ARAP2: variants seen among roughly 807,000 people sequenced by gnomAD.
ARAP2 encodes the protein ArfGAP with RhoGAP domain, ankyrin repeat and PH domain 2, also known as arf-GAP with Rho-GAP domain, ANK repeat and PH domain-containing protein 2.
A neutral mutation model predicts 194.5 loss-of-function variants in ARAP2; 148 were observed. The ratio of observed to expected loss-of-function variants is 0.76; its 90% CI spans 0.67 to 0.87. The LOEUF (loss-of-function observed/expected upper bound fraction) is 0.87. ARAP2 is among the 40% of genes least tolerant of loss of function. The pLI, the probability that ARAP2 is intolerant of heterozygous loss-of-function variation, is 0.00. For synonymous variants in ARAP2, 695 were observed against 683.5 expected, an observed-to-expected ratio of 1.02 and a Z score of -0.26; for missense variants, 2,128 against 1,989.7, an observed-to-expected ratio of 1.07 and a Z score of -1.32.
chr4:36,011,867 G>T (rs188948886), intron 9 of ARAP2, among the ~76,000 whole-genome samples: 1 of 152,230 alleles, frequency 6.6e-6, no homozygotes, highest in African/African-American at 2.4e-5. Context: ...AAAAGATATG[G>T]ATATCAGCTT....
chr4:36,195,241 A>G (rs1035034216), intron 6 of ARAP2, among the ~76,000 whole-genome samples: 2 of 152,168 alleles, frequency 1.3e-5, no homozygotes, highest in African/African-American at 2.4e-5. Flanking sequence ...TTCATCTTTC[A>G]GCTTCTAGAA....
intron 27 of ARAP2, among the ~76,000 whole-genome samples, chr4:36,092,678 G>A (rs780977163): frequency 1.4e-4 from 22 of 152,182 alleles, no homozygotes; most frequent in South Asian, 1.0e-3. Context: ...ATGTATTTTG[G>A]ATATTGGATA....
At chr4:36,051,510 T>C (rs1466288205) in intron 3 of ARAP2, among the ~76,000 whole-genome samples, 4 of 151,732 alleles carry the variant, frequency 2.6e-5, no homozygotes, top group African/African-American at 9.7e-5. Context: ...ATAACAATAA[T>C]AATAATAAAT....
intron 22 of ARAP2, among the ~76,000 whole-genome samples, chr4:36,123,082 GGA>G (rs1723045337): frequency 6.6e-6 from 1 of 151,810 alleles, no homozygotes; most frequent in African/African-American, 2.4e-5. Flanking sequence ...AAAAGGAACT[GGA>G]GTTTAATAGA....
At chr4:36,151,686 G>A (rs1731010434) in intron 15 of ARAP2, among the ~76,000 whole-genome samples, 1 of 152,230 alleles carries the variant, frequency 6.6e-6, no homozygotes, top group African/African-American at 2.4e-5. Flanking sequence ...TTCTTTTTAA[G>A]AAATGCATAC....
rs1223473431 is a variant in ARAP2, at chr4:36,187,508, T to G, written c.1621A>C (p.Asn541His). The change falls in exon 8 of 33, where the codon AAC becomes CAC. Residue 541 changes from asparagine to histidine, a missense_variant. Physicochemically the swap from Asn to His is moderately conservative, Grantham distance 68. Transcript: ENST00000303965. Reference protein sequence around the residue: ...AISTVRVQGDNKFEVVTTQRT... With the variant: ...AISTVRVQGDHKFEVVTTQRT... ...TGTGTTGTAACAACTTCAAATTTGT[T>G]GTCTCCTTGAACTCGTACTGTTGAT... The G allele has an allele frequency of 1.3e-6, 2 of 1,551,118 alleles. No homozygotes were observed. The highest frequency in any genetic ancestry group is 1.7e-6 in the Non-Finnish European group (2 of 1,143,992).
downstream of ARAP2, among the ~76,000 whole-genome samples, chr4:36,063,462 G>GAA (rs11286192): frequency 7.6e-6 from 1 of 132,234 alleles, no homozygotes. Flanking sequence ...TTTAAAAAAA[G>GAA]AAAAAAAAAA....
chr4:36,171,078 G>A (rs1560585571), intron 9 of ARAP2, among the ~76,000 whole-genome samples: 1 of 152,036 alleles, frequency 6.6e-6, no homozygotes, highest in Non-Finnish European at 1.5e-5. Flanking sequence ...TTATTATTCA[G>A]GTATTCCTCT....
intron 15 of ARAP2, among the ~76,000 whole-genome samples, chr4:36,152,535 TAGG>T (rs1731240860): frequency 6.6e-6 from 1 of 152,044 alleles, no homozygotes; most frequent in South Asian, 2.1e-4. Context: ...TGGCATAGAT[TAGG>T]AGATCCACCC....
intron 3 of ARAP2, among the ~76,000 whole-genome samples, chr4:36,050,373 TGCA>T (rs1722466327): frequency 1.3e-5 from 2 of 152,306 alleles, no homozygotes; most frequent in Admixed American, 1.3e-4. Flanking sequence ...AAGTAACTCT[TGCA>T]GCAGTTTTTT....
chr4:36,085,411 AT>A (rs996385806), intron 28 of ARAP2, among the ~76,000 whole-genome samples: 4 of 152,096 alleles, frequency 2.6e-5, no homozygotes, highest in South Asian at 2.1e-4. Context: ...TTAGACAGAA[AT>A]TTTTTTGTTG....
rs753064092 is a variant in ARAP2, at chr4:36,187,584, G to GA, written c.1558-14dup. The GA allele has an allele frequency of 1.2e-5, 18 of 1,520,242 alleles. No individual in the cohort carries two copies. Among genetic ancestry groups the GA allele is most frequent in the Non-Finnish European group, 1.4e-5 (16 of 1,142,026 alleles). 94.2% of individuals were successfully genotyped at this position (1,520,242 alleles called of 1,614,324 possible). ...TCGAATACATCTCCTGTATTGGTTA[G>GA]AAAAAAAGAGAAGACATATGAAAAC... On this transcript the variant is annotated splice_polypyrimidine_tract_variant and intron_variant, in intron 7 of 32. Transcript: ENST00000303965.
chr4:36,175,251 G>A (rs969689942), intron 9 of ARAP2, among the ~76,000 whole-genome samples: 7 of 152,066 alleles, frequency 4.6e-5, no homozygotes, highest in African/African-American at 7.2e-5. Context: ...TAAAATTTTC[G>A]AAGTTGCATC....
At chr4:36,237,332 G>A (rs1382305977) in intron 1 of ARAP2, among the ~76,000 whole-genome samples, 3 of 152,166 alleles carry the variant, frequency 2.0e-5, no homozygotes, top group African/African-American at 7.2e-5. Flanking sequence ...AATTAGCTGA[G>A]GGTACAGGTC....
intron 2 of ARAP2, among the ~76,000 whole-genome samples, chr4:36,055,129 G>T (rs1336086516): frequency 6.6e-6 from 1 of 152,106 alleles, no homozygotes; most frequent in African/African-American, 2.4e-5. Context: ...TTGGATCTAT[G>T]AGTGCATTTA....
At chr4:36,046,106 T>C (rs2109239029) in intron 4 of ARAP2, 1 of 152,236 alleles carries the variant, frequency 6.6e-6, no homozygotes, top group South Asian at 2.1e-4. Context: ...ATTAACCAGG[T>C]CATTGTAAAC....
Position 36,151,059 on chromosome 4 carries a change from C to A in ARAP2, c.2753-15G>T. On this transcript the variant is annotated splice_polypyrimidine_tract_variant and intron_variant, in intron 15 of 32. Coordinates refer to ENST00000303965, the MANE Select transcript of ARAP2 (RefSeq NM_015230.4). ...TTTATTTGTCTCTAAGAATTTGAAA[C>A]AAAACAAATAACAAATTGAGCTAAT... 1.3e-6 allele frequency: 2 copies of A among 1,574,964 alleles called. No individual in the cohort carries two copies. The highest frequency in any genetic ancestry group is 8.6e-7 in the Non-Finnish European group (1 of 1,166,034).
downstream of ARAP2, chr4:36,065,673 CT>C (rs1285089440): frequency 5.9e-6 from 1 of 168,682 alleles, no homozygotes; most frequent in Non-Finnish European, 1.3e-5. Flanking sequence ...GTGCCAGACA[CT>C]TGTGCCAGTC....
rs770091938 is a variant in ARAP2, at chr4:36,151,041, G to A, written c.2756C>T (p.Thr919Ile). 8 of 1,585,558 alleles carry A rather than the reference G, an allele frequency of 5.0e-6. No homozygotes were observed. In the Admixed American group the frequency reaches 7.5e-5, roughly 15 times the overall value. ...TTCCAAAACACACCATTTTTTATTT[G>A]TCTCTAAGAATTTGAAACAAAACAA... The part of the protein sequence containing the change: ...LSSEKKLLEE[T>I]NKKWCVLEGG... The change falls in exon 16 of 33, where the codon ACA (threonine) becomes ATA (isoleucine). Residue 919 changes from threonine to isoleucine, a missense_variant. Physicochemically the swap from Thr to Ile is moderately conservative, Grantham distance 89. Coordinates refer to ENST00000303965, the MANE Select transcript of ARAP2 (RefSeq NM_015230.4).
Sources: allele counts gnomAD v4.1 joint callset (sites outside exome capture counted in the v4.1 genomes callset), GRCh38; gene constraint gnomAD v4.1.1; transcripts MANE v1.5; gene names NCBI Gene and HGNC (gene_info 2026-07-23, HGNC 2026-07-21).